Variants in CDS1 observed in about 807,000 individuals in gnomAD.
CDS1 encodes the protein CDP-diacylglycerol synthase 1.
Under a neutral mutation model 62.1 loss-of-function variants are expected in CDS1, and 41 were observed. That is an observed-to-expected ratio of 0.66 (90% CI 0.51 to 0.86). The LOEUF (loss-of-function observed/expected upper bound fraction) is 0.86, where lower values mean the gene tolerates loss of function less well. Among genes scored for constraint, CDS1 ranks in the 40% least tolerant of loss-of-function variants. The probability of loss-of-function intolerance (pLI) is 0.00; values close to 1 mark genes in which losing one functional copy is unlikely to be tolerated. For missense variants in CDS1, 470 were observed against 550.1 expected, an observed-to-expected ratio of 0.85 and a Z score of 1.46; for synonymous variants, 185 against 192.6, an observed-to-expected ratio of 0.96 and a Z score of 0.32.
intron 1 of CDS1, among the ~76,000 whole-genome samples, chr4:84,591,064 A>G (rs113367622): frequency 2.2e-4 from 33 of 152,334 alleles, no homozygotes; most frequent in Admixed American, 7.8e-4. Flanking sequence ...AACACAAACA[A>G]TATTTTGTTT....
In CDS1 at chr4:84,604,308, T is replaced by G; in HGVS notation, c.183T>G (p.Ile61Met). The change falls in exon 2 of 13, where the codon ATT becomes ATG. Residue 61 changes from isoleucine to methionine, a missense_variant. Physicochemically the swap from Ile to Met is conservative, Grantham distance 10. This residue lies in a region of CDS1 where 150 missense variants were observed against 142.0 expected (regional missense o/e 1.06). Transcript: ENST00000295887. ...GAACAGATTCTGATATTCCGGAAATTCCACCATCCTCAGATAGAACCCCTG... is the reference window on the plus strand; with the variant it reads ...GAACAGATTCTGATATTCCGGAAATGCCACCATCCTCAGATAGAACCCCTG... ...DSRTDSDIPEIPPSSDRTPEI... is the reference protein window; with the variant it reads ...DSRTDSDIPEMPPSSDRTPEI... The G allele has an allele frequency of 6.2e-7, 1 of 1,612,600 alleles. No homozygotes were observed. Among genetic ancestry groups the G allele is most frequent in the Non-Finnish European group, 8.5e-7 (1 of 1,178,708 alleles).
intron 5 of CDS1, among the ~76,000 whole-genome samples, chr4:84,620,613 ATTC>A (rs1352658493): frequency 6.6e-6 from 1 of 152,206 alleles, no homozygotes; most frequent in Non-Finnish European, 1.5e-5. Flanking sequence ...TAAAAATTAG[ATTC>A]TTAAGATAAA....
chr4:84,626,119 A>G (rs1723850364), intron 5 of CDS1, among the ~76,000 whole-genome samples: 1 of 152,136 alleles, frequency 6.6e-6, no homozygotes, highest in Non-Finnish European at 1.5e-5. Flanking sequence ...GTGAGCCGAG[A>G]TCATGCCATT....
chr4:84,637,431 T>C lies in CDS1; in HGVS notation c.811-1493T>C, dbSNP rs76582242. On this transcript the variant is annotated intron_variant, in intron 8 of 12. Transcript: ENST00000295887. ...CGGAAGGGGAAGCAGGCACATCTTA[T>C]ATGGTCAGAGCAGGAGGAAGAGGGA... 9.4e-3 allele frequency among the ~76,000 whole-genome samples: 1,433 copies of C among 152,184 alleles called. 23 individuals carry two copies. The highest frequency in any genetic ancestry group is 0.033 in the African/African-American group (1,351 of 41,520).
In CDS1 at chr4:84,635,262, A is replaced by T; in HGVS notation, c.723-2A>T. On this transcript the variant is annotated splice_acceptor_variant, in intron 7 of 12. Coordinates refer to ENST00000295887, the MANE Select transcript of CDS1 (RefSeq NM_001263.4). LOFTEE classifies it high-confidence loss of function. ...GACTTTTTTTTTTTTTTTTAAAAAC[A>T]GGTTCCTTGTTCCAATATCAAGTGT... The T allele has an allele frequency of 6.8e-7, 1 of 1,467,890 alleles. No homozygotes were observed. Among genetic ancestry groups the T allele is most frequent in the Non-Finnish European group, 9.3e-7 (1 of 1,080,682 alleles). The allele number at this position is 1,467,890 out of a possible 1,614,324, so 90.9% of individuals were successfully genotyped here. A position where few individuals can be genotyped will look rare whatever the true frequency, so the allele number is the denominator to read the frequency against.
chr4:84,634,257 A>G (rs1050620027), intron 7 of CDS1, among the ~76,000 whole-genome samples: 4 of 152,166 alleles, frequency 2.6e-5, no homozygotes, highest in African/African-American at 9.7e-5. Context: ...TATAATATTT[A>G]TTAAGATATT....
At chr4:84,621,759 C>A (rs1723693779) in intron 5 of CDS1, among the ~76,000 whole-genome samples, 1 of 152,050 alleles carries the variant, frequency 6.6e-6, no homozygotes, top group Non-Finnish European at 1.5e-5. Flanking sequence ...GTTCAGCTTT[C>A]CAAATTTGTT....
intron 2 of CDS1, among the ~76,000 whole-genome samples, chr4:84,607,242 GTATT>G (rs1321569709): frequency 6.6e-6 from 1 of 152,014 alleles, no homozygotes; most frequent in Non-Finnish European, 1.5e-5. Context: ...TTTGTTGGAA[GTATT>G]TAAACTATAT....
chr4:84,620,668 C>T (rs1455919699), intron 5 of CDS1, among the ~76,000 whole-genome samples: 2 of 152,100 alleles, frequency 1.3e-5, no homozygotes, highest in African/African-American at 4.8e-5. Context: ...TTTTACAGAT[C>T]ATAAAAACCC....
At chr4:84,595,237 G>A (rs1244420963) in intron 1 of CDS1, among the ~76,000 whole-genome samples, 1 of 152,032 alleles carries the variant, frequency 6.6e-6, no homozygotes, top group Non-Finnish European at 1.5e-5. Context: ...AAAGAATTCT[G>A]GCTAAAGGTT....
Position 84,645,085 on chromosome 4 carries a change from G to GT in CDS1, c.1153-132dup, listed in dbSNP as rs1724516187. ...TAATCTGCTGGATGTGTTCTAATAA[G>GT]TTTTTATTTAGTGAAAAAAATCCAA... On this transcript the variant is annotated intron_variant, in intron 11 of 12. Transcript: ENST00000295887. 4.6e-6 allele frequency: 3 copies of GT among 647,950 alleles called. No individual in the cohort carries two copies. In the South Asian group the frequency reaches 5.4e-5, roughly 12 times the overall value. The allele number at this position is 647,950 out of a possible 1,614,324, so 40.1% of individuals were successfully genotyped here.
chr4:84,635,405 T>A, intron 8 of CDS1, 54 bp downstream of exon 8: 1 of 854,616 alleles, frequency 1.2e-6, no homozygotes, highest in Non-Finnish European at 2.0e-6. Context: ...GATTAGCCAC[T>A]GGAGAACATT....
Position 84,650,862 on chromosome 4 carries a change from A to T in CDS1, c.*2176A>T, listed in dbSNP as rs1321216236. 2.0e-5 allele frequency: 3 copies of T among 152,230 alleles called. No homozygotes were observed. Among genetic ancestry groups the T allele is most frequent in the Non-Finnish European group, 4.4e-5 (3 of 68,044 alleles). The allele number at this position is 152,230 out of a possible 1,614,324, so 9.4% of individuals were successfully genotyped here. A position where few individuals can be genotyped will look rare whatever the true frequency, so the allele number is the denominator to read the frequency against. On this transcript the variant is annotated 3_prime_UTR_variant, in exon 13 of 13. Coordinates refer to ENST00000295887, the MANE Select transcript of CDS1 (RefSeq NM_001263.4). Reference sequence around the variant, plus strand: ...ATTAAAATAGAATATATTTTAGCAAAAGATTGCCATAAAACCCTGACTTGG... The same window carrying T: ...ATTAAAATAGAATATATTTTAGCAATAGATTGCCATAAAACCCTGACTTGG...
At chr4:84,641,098 CAGA>C in intron 10 of CDS1, 108 bp downstream of exon 10, 1 of 720,964 alleles carries the variant, frequency 1.4e-6, no homozygotes, top group East Asian at 3.6e-5. Context: ...TGTTTTGAGA[CAGA>C]GTTTCCCTCT....
chr4:84,623,019 T>C (rs959369044), intron 5 of CDS1, among the ~76,000 whole-genome samples: 1 of 152,226 alleles, frequency 6.6e-6, no homozygotes, highest in African/African-American at 2.4e-5. Flanking sequence ...CCTTAATTTT[T>C]CCTTTAGGTT....
intron 1 of CDS1, among the ~76,000 whole-genome samples, chr4:84,597,027 G>A (rs1722772539): frequency 6.6e-6 from 1 of 152,126 alleles, no homozygotes; most frequent in Non-Finnish European, 1.5e-5. Flanking sequence ...GGAGGTAGGT[G>A]GATGATGTAA....
intron 11 of CDS1, among the ~76,000 whole-genome samples, chr4:84,644,198 A>G (rs954176924): frequency 6.6e-6 from 1 of 152,152 alleles, no homozygotes; most frequent in Non-Finnish European, 1.5e-5. Flanking sequence ...GCAGTATACA[A>G]AAATATACAA....
At position 84,619,484 on chromosome 4, in the gene CDS1, G is replaced by A; in HGVS notation, c.531G>A (p.Gln177=). ...ATFVQREEQL[Q]FLIRYHRFIS... ...TTGTTCAAAGAGAAGAACAACTTCA[G>A]TTCCTCATTCGCTACCATAGATTTA... The change falls in exon 5 of 13, where the codon CAG becomes CAA. Residue 177 remains glutamine, a synonymous_variant. Transcript: ENST00000295887. 4 of 1,604,918 alleles carry A rather than the reference G, an allele frequency of 2.5e-6. No individual in the cohort carries two copies. In the South Asian group the frequency reaches 3.3e-5, roughly 13 times the overall value.
At chr4:84,613,002 A>G (rs1259959108) in intron 3 of CDS1, among the ~76,000 whole-genome samples, 1 of 151,450 alleles carries the variant, frequency 6.6e-6, no homozygotes, top group East Asian at 1.9e-4. Flanking sequence ...AAAAAAAAAA[A>G]AAAAAGAATA....
Sources: allele counts gnomAD v4.1 joint callset (sites outside exome capture counted in the v4.1 genomes callset), GRCh38; gene constraint gnomAD v4.1.1; regional missense constraint gnomAD v4.1.1; transcripts MANE v1.5; gene names NCBI Gene and HGNC (gene_info 2026-07-23, HGNC 2026-07-21).